Variants in FRMD8 observed in about 807,000 individuals in gnomAD.
FRMD8 encodes the protein FERM domain-containing protein 8.
Under a neutral mutation model 54.2 loss-of-function variants are expected in FRMD8, and 37 were observed. The ratio of observed to expected loss-of-function variants is 0.68; its 90% confidence interval spans 0.53 to 0.90. The LOEUF is 0.90. FRMD8 is among the 40% of genes least tolerant of loss of function. The probability of loss-of-function intolerance (pLI) is 0.00; values close to 1 mark genes in which losing one functional copy is unlikely to be tolerated. For synonymous variants in FRMD8, 246 were observed against 286.9 expected (o/e 0.86, Z 1.44); for missense variants, 585 against 653.7 (o/e 0.89, Z 1.15).
chr11:65,388,687 A>G (rs879630273), intron 2 of FRMD8, among the ~76,000 whole-genome samples: 2 of 152,134 alleles, frequency 1.3e-5, no homozygotes, highest in Admixed American at 1.3e-4. Context: ...ACTCTCAGCT[A>G]TTTGGGCTGT....
rs1855749651 is a variant in FRMD8, at chr11:65,387,125, G to C, written c.85+4G>C. 3 of 1,603,944 alleles carry C rather than the reference G, an allele frequency of 1.9e-6. No homozygotes were observed. Among genetic ancestry groups the C allele is most frequent in the Non-Finnish European group, 2.5e-6 (3 of 1,179,532 alleles). ...GTGTCCTCCGTGGGAGCCCGAGGTGGGTCCCACCCGCATCTCCTCTTCCAC... is the reference window on the plus strand; with the variant it reads ...GTGTCCTCCGTGGGAGCCCGAGGTGCGTCCCACCCGCATCTCCTCTTCCAC... On this transcript the variant is annotated splice_donor_region_variant and intron_variant, in intron 2 of 10. Transcript: ENST00000317568.
chr11:65,382,078 GC>G (rs1855598458), upstream of FRMD8: 1 of 874,326 alleles, frequency 1.1e-6, no homozygotes, highest in Non-Finnish European at 1.9e-6. This position sits in a 1 kb window ranked among gnomAD's most constrained non-coding sequence, Gnocchi z 4.4. Context: ...GTGAGAATTG[GC>G]CTGGTGCCCA....
the FRMD8 span, among the ~76,000 whole-genome samples, chr11:65,370,569 C>T: frequency 3.0e-4 from 46 of 151,872 alleles, no homozygotes; most frequent in African/African-American, 9.7e-4. Context: ...GGTGTGATGG[C>T]GGGTGCCTGT....
upstream of FRMD8, chr11:65,386,606 G>A (rs547310189): frequency 2.9e-5 from 5 of 174,782 alleles, no homozygotes; most frequent in South Asian, 7.5e-4. Flanking sequence ...GGGGCCTCGG[G>A]CGCCGCGCTT....
chr11:65,392,002 C>A, intron 3 of FRMD8, among the ~76,000 whole-genome samples: 1 of 152,190 alleles, frequency 6.6e-6, no homozygotes, highest in East Asian at 1.9e-4. Flanking sequence ...AGCATGAGGA[C>A]CCCATGAGGG....
chr11:65,385,120 G>A (rs1009631219), upstream of FRMD8, among the ~76,000 whole-genome samples: 3 of 152,082 alleles, frequency 2.0e-5, no homozygotes, highest in East Asian at 1.9e-4. Context: ...CACAAGCCCC[G>A]CATCCAGTAA....
Position 65,399,814 on chromosome 11 carries a change from G to A in FRMD8, c.882G>A (p.Val294=), listed in dbSNP as rs771072485. The A allele has an allele frequency of 6.2e-7, 1 of 1,614,046 alleles. No individual in the cohort carries two copies. The highest frequency in any genetic ancestry group is 1.1e-5 in the South Asian group (1 of 91,056). The change falls in exon 8 of 11, where the codon GTG becomes GTA. Residue 294 remains valine (V), a synonymous_variant. Coordinates refer to ENST00000317568, the MANE Select transcript of FRMD8 (RefSeq NM_031904.5). ...LHRGGRKPVS[V]AISLEGVHVI... ...GGGGTGGGCGCAAGCCAGTTTCTGT[G>A]GCCATCAGTCTGGAAGGCGTGCACG...
chr11:65,402,344 ACT>A (rs956055462), intron 9 of FRMD8, among the ~76,000 whole-genome samples: 24 of 149,712 alleles, frequency 1.6e-4, no homozygotes, highest in Admixed American at 4.7e-4. Flanking sequence ...ACAGAGTGAG[ACT>A]CTGTCTCAAA....
chr11:65,384,500 T>G (rs1164893678), upstream of FRMD8, among the ~76,000 whole-genome samples: 1 of 152,054 alleles, frequency 6.6e-6, no homozygotes, highest in Admixed American at 6.6e-5. Context: ...CACCTCTTAG[T>G]GAGTTCTAAG....
rs1315444857 is a variant in FRMD8, at chr11:65,393,690, T to A, written c.355+16T>A. ...GTGGCCATGGGTCAGTGCTGCTGCC[T>A]GTCTGTCCTTGCCTCGGGACCACCT... On this transcript the variant is annotated intron_variant, in intron 4 of 10. Transcript: ENST00000317568. 6.3e-7 allele frequency: 1 copy of A among 1,586,518 alleles called. No homozygotes were observed. Among genetic ancestry groups the A allele is most frequent in the Non-Finnish European group, 8.6e-7 (1 of 1,165,610 alleles).
At chr11:65,391,812 C>A (rs990852393) in intron 3 of FRMD8, among the ~76,000 whole-genome samples, 24 of 152,250 alleles carry the variant, frequency 1.6e-4, no homozygotes, top group African/African-American at 5.8e-4. Flanking sequence ...CGCCCGGCCA[C>A]CATTGGAATT....
chr11:65,380,643 T>G, the FRMD8 span: 2 of 1,281,916 alleles, frequency 1.6e-6, no homozygotes, highest in Non-Finnish European at 1.0e-6. Context: ...CTGATGGGGG[T>G]CATGCCTGGG....
chr11:65,404,964 C>T lies in FRMD8; in HGVS notation c.1172C>T (p.Pro391Leu), dbSNP rs201911015. ...AGTGCGACTGGCTCGCCCTCGGACC[C>T]CAGCTCCTCACTGGCTCCTGTTCAG... ...QDSATGSPSD[P>L]SSSLAPVQRP... is the part of the protein sequence containing the mutation. The change falls in exon 10 of 11, where the codon CCC becomes CTC. Residue 391 changes from proline to leucine, a missense_variant. Coordinates refer to ENST00000317568, the MANE Select transcript of FRMD8 (RefSeq NM_031904.5). This position sits in a 1 kb window ranked among gnomAD's most constrained non-coding sequence, Gnocchi z 4.7. The T allele has an allele frequency of 5.0e-6, 8 of 1,613,186 alleles. No homozygotes were observed. Among genetic ancestry groups the T allele is most frequent in the Non-Finnish European group, 6.8e-6 (8 of 1,180,032 alleles).
Position 65,404,779 on chromosome 11 carries a change from A to T in FRMD8, c.1072-85A>T, listed in dbSNP as rs1176075121. On this transcript the variant is annotated intron_variant, in intron 9 of 10. Transcript: ENST00000317568. The surrounding 1 kb of genome is among the most constrained non-coding windows in gnomAD (Gnocchi z 4.7). ...GTGTGTCCCCTCCCCTGCTTCCCCA[A>T]CCAGAGAGCAGAGCTCATTTCAGGC... The T allele has an allele frequency of 8.3e-7, 1 of 1,200,212 alleles. No individual in the cohort carries two copies. 74.3% of individuals were successfully genotyped at this position (1,200,212 alleles called of 1,614,324 possible).
chr11:65,398,648 TA>T (rs1481570180), intron 7 of FRMD8, among the ~76,000 whole-genome samples: 1 of 152,182 alleles, frequency 6.6e-6, no homozygotes, highest in Non-Finnish European at 1.5e-5. Flanking sequence ...AACTCTGCTG[TA>T]AAATGGGGTC....
At chr11:65,393,346 C>G (rs1565599868) in intron 3 of FRMD8, among the ~76,000 whole-genome samples, 1 of 152,242 alleles carries the variant, frequency 6.6e-6, no homozygotes, top group African/African-American at 2.4e-5. Flanking sequence ...AGACCCCCGT[C>G]GCTTGCTGTG....
intron 10 of FRMD8, among the ~76,000 whole-genome samples, chr11:65,407,998 A>C (rs1856243966): frequency 6.6e-6 from 1 of 151,588 alleles, no homozygotes; most frequent in Non-Finnish European, 1.5e-5. Context: ...TTTTCTTTGT[A>C]CTTCTTGGAG....
intron 4 of FRMD8, 109 bp downstream of exon 4, chr11:65,393,783 C>T: frequency 1.0e-6 from 1 of 954,964 alleles, no homozygotes; most frequent in Non-Finnish European, 1.6e-6. Flanking sequence ...GGCTGAGGGG[C>T]AGGGCCTGCA....
rs1856060710 is a variant in FRMD8 at position 65,400,827 on chromosome 11, G to A, written c.1031G>A (p.Gly344Asp). 1.2e-6 allele frequency: 2 copies of A among 1,612,656 alleles called. No homozygotes were observed. The highest frequency in any genetic ancestry group is 1.7e-6 in the Non-Finnish European group (2 of 1,179,534). ...CTGGAGTTCGACGGGGACAGCGAGG[G>A]CACACCTGTCAACAAGCTCCTCAAG... ...LWLEFDGDSE[G>D]TPVNKLLKIY... The change falls in exon 9 of 11, where the codon GGC becomes GAC. Residue 344 changes from glycine (G) to aspartate (D), a missense_variant. Transcript: ENST00000317568. The surrounding 1 kb of genome is among the most constrained non-coding windows in gnomAD (Gnocchi z 4.3).
Sources: gnomAD v4.1 joint callset for allele counts (sites outside exome capture counted in the v4.1 genomes callset) on GRCh38, gnomAD v4.1.1 for gene constraint, Gnocchi (gnomAD v3.1) non-coding constraint, MANE v1.5 for transcripts, NCBI Gene and HGNC (gene_info 2026-07-23, HGNC 2026-07-21) for gene names.